UBR3: variants seen among roughly 807,000 people sequenced by gnomAD.
UBR3 encodes the protein ubiquitin protein ligase E3 component n-recognin 3.
A neutral mutation model predicts 243.2 loss-of-function variants in UBR3; 85 were observed. That is an observed-to-expected ratio of 0.35 (90% CI 0.29 to 0.42). UBR3 has a LOEUF of 0.42. Among genes scored for constraint, UBR3 ranks in the 10% least tolerant of loss-of-function variants. The pLI, the probability that UBR3 is intolerant of heterozygous loss-of-function variation, is 1.00. For missense variants in UBR3, 1,686 were observed against 2,300.8 expected, an observed-to-expected ratio of 0.73 and a Z score of 5.47; for synonymous variants, 748 against 799.8, an observed-to-expected ratio of 0.94 and a Z score of 1.09.
chr2:170,076,179 G>C (rs2091805678), intron 36 of UBR3, among the ~76,000 whole-genome samples: 2 of 152,112 alleles, frequency 1.3e-5, no homozygotes, highest in South Asian at 4.1e-4. Flanking sequence ...TCTTGTGTTG[G>C]GGACAGCCCC....
At chr2:169,874,827 C>G (rs1038311128) in intron 2 of UBR3, among the ~76,000 whole-genome samples, 3 of 152,096 alleles carry the variant, frequency 2.0e-5, no homozygotes, top group African/African-American at 4.8e-5. Context: ...CACAGGTTCT[C>G]CATTACCTCT....
chr2:170,078,008 C>G (rs1183207851), intron 36 of UBR3: 1 of 674,468 alleles, frequency 1.5e-6, no homozygotes, highest in Non-Finnish European at 2.8e-6. Flanking sequence ...AGTACGTTAG[C>G]TTGAGGTTGT....
intron 5 of UBR3, among the ~76,000 whole-genome samples, chr2:169,881,955 TATAC>T (rs1375448108): frequency 2.9e-4 from 29 of 101,052 alleles, no homozygotes; most frequent in African/African-American, 7.0e-4. Flanking sequence ...CATATGTATG[TATAC>T]ATACATATGT....
At chr2:169,909,102 C>T (rs1222535146) in intron 10 of UBR3, among the ~76,000 whole-genome samples, 6 of 152,108 alleles carry the variant, frequency 3.9e-5, no homozygotes, top group African/African-American at 1.4e-4. Context: ...GGATTACAGG[C>T]GTGAGCCACC....
chr2:169,902,001 A>G (rs1469002752), intron 8 of UBR3, among the ~76,000 whole-genome samples: 1 of 152,198 alleles, frequency 6.6e-6, no homozygotes, highest in African/African-American at 2.4e-5. Context: ...CAGTGTCCAT[A>G]GCGAAGACTC....
chr2:169,878,149 T>G (rs2083684563), intron 4 of UBR3, among the ~76,000 whole-genome samples: 1 of 152,106 alleles, frequency 6.6e-6, no homozygotes, highest in African/African-American at 2.4e-5. Flanking sequence ...TCACCTGAGG[T>G]CGGGAGTTTT....
intron 1 of UBR3, among the ~76,000 whole-genome samples, chr2:169,852,865 A>AAC (rs1397586813): frequency 6.9e-5 from 10 of 144,622 alleles, no homozygotes; most frequent in Non-Finnish European, 1.4e-4. Flanking sequence ...AAAAAAAAAA[A>AAC]AAAAAAAAAA....
intron 3 of UBR3, among the ~76,000 whole-genome samples, chr2:169,877,105 G>C (rs565068205): frequency 6.6e-6 from 1 of 152,284 alleles, no homozygotes; most frequent in Admixed American, 6.5e-5. Flanking sequence ...GGTATTACGA[G>C]AGCACAGACT....
At chr2:170,043,072 C>T (rs750992304) in intron 32 of UBR3, among the ~76,000 whole-genome samples, 7 of 151,756 alleles carry the variant, frequency 4.6e-5, no homozygotes, top group Non-Finnish European at 1.0e-4. Flanking sequence ...AGTAGTATTA[C>T]GTTTTGAAAT....
intron 25 of UBR3, among the ~76,000 whole-genome samples, chr2:169,987,840 C>T (rs926052224): frequency 6.6e-6 from 1 of 151,916 alleles, no homozygotes; most frequent in African/African-American, 2.4e-5. Flanking sequence ...TAGAAACTCC[C>T]CTGAATTCAA....
At chr2:170,019,684 CA>C (rs968751549) in intron 30 of UBR3, among the ~76,000 whole-genome samples, 1 of 150,804 alleles carries the variant, frequency 6.6e-6, no homozygotes, top group African/African-American at 2.4e-5. Flanking sequence ...GATACTGTCT[CA>C]AAAAAAAATT....
chr2:169,956,242 A>G (rs1161303386), intron 23 of UBR3, among the ~76,000 whole-genome samples: 2 of 138,716 alleles, frequency 1.4e-5, no homozygotes, highest in Non-Finnish European at 3.1e-5. Context: ...GTATCTATCT[A>G]TCTGGATAGA....
intron 5 of UBR3, among the ~76,000 whole-genome samples, chr2:169,879,120 TTA>T (rs1430215735): frequency 1.3e-5 from 2 of 151,800 alleles, no homozygotes; most frequent in African/African-American, 4.8e-5. Context: ...AAAATCATTG[TTA>T]TATTTCTATA....
intron 11 of UBR3, among the ~76,000 whole-genome samples, chr2:169,918,363 A>G (rs1039638579): frequency 1.3e-5 from 2 of 150,598 alleles, no homozygotes; most frequent in Admixed American, 1.3e-4. Context: ...GAAGGTGATA[A>G]TATTAACCAG....
chr2:170,061,473 C>CT lies in UBR3; in HGVS notation c.5019+42dup, dbSNP rs35032863. 2,152 of 1,313,568 alleles carry CT rather than the reference C, an allele frequency of 1.6e-3. 7 individuals are homozygous for CT. The African/African-American group carries it at 0.022, about 13-fold the overall frequency. The allele number at this position is 1,313,568 out of a possible 1,614,324, so 81.4% of individuals were successfully genotyped here. A position where few individuals can be genotyped will look rare whatever the true frequency, so the allele number is the denominator to read the frequency against. On this transcript the variant is annotated intron_variant, in intron 35 of 38. Coordinates refer to ENST00000272793, the MANE Select transcript of UBR3 (RefSeq NM_172070.4). ...ATAATTTGGGATATGTAAGAGGGAG[C>CT]TTTTTTTTTTTTCAGATGGAGTCTC...
At chr2:170,047,046 G>C (rs539987920) in intron 32 of UBR3, among the ~76,000 whole-genome samples, 1 of 152,148 alleles carries the variant, frequency 6.6e-6, no homozygotes, top group East Asian at 1.9e-4. Flanking sequence ...CCAGGCTGGA[G>C]TACAGTGGTA....
chr2:169,979,744 C>T (rs549730380), intron 24 of UBR3, among the ~76,000 whole-genome samples: 1 of 152,206 alleles, frequency 6.6e-6, no homozygotes, highest in Admixed American at 6.5e-5. Context: ...AGGGTTGAGG[C>T]ACAGGTGAAT....
In UBR3 at chr2:170,080,586, G is replaced by T; in HGVS notation, c.5451G>T (p.Leu1817Phe). 1 of 1,613,748 alleles carries T rather than the reference G, an allele frequency of 6.2e-7. No individual in the cohort carries two copies. Among genetic ancestry groups the T allele is most frequent in the Non-Finnish European group, 8.5e-7 (1 of 1,179,862 alleles). The change falls in exon 38 of 39, where the codon TTG becomes TTT. Residue 1817 changes from leucine (L) to phenylalanine (F), a missense_variant. Coordinates refer to ENST00000272793, the MANE Select transcript of UBR3 (RefSeq NM_172070.4). ...GTGCAGGAACAGGTATTTTCCTTTT[G>T]ATCAATGCATCGGTAATTATCATCA... is the stretch of plus-strand genomic sequence containing the variant. ...NCGAGTGIFL[L>F]INASVIIIIR...
At chr2:169,932,076 A>ATTTTTT (rs140968517) in intron 18 of UBR3, among the ~76,000 whole-genome samples, 3 of 145,920 alleles carry the variant, frequency 2.1e-5, no homozygotes, top group Non-Finnish European at 1.5e-5. Flanking sequence ...TAGCTCATTA[A>ATTTTTT]TTTTTTTTTT....
Sources: gnomAD v4.1 joint callset for allele counts (sites outside exome capture counted in the v4.1 genomes callset) on GRCh38, gnomAD v4.1.1 for gene constraint, MANE v1.5 for transcripts, NCBI Gene and HGNC (gene_info 2026-07-23, HGNC 2026-07-21) for gene names.